ESR1: variants seen among roughly 807,000 people sequenced by gnomAD.
ESR1 encodes estrogen receptor 1, also known as estrogen receptor.
A neutral mutation model predicts 52.7 loss-of-function variants in ESR1; 12 were observed. The ratio of observed to expected loss-of-function variants is 0.23; its 90% confidence interval spans 0.15 to 0.37. The LOEUF is 0.37. Among genes scored for constraint, ESR1 ranks in the 10% least tolerant of loss-of-function variants. The probability of loss-of-function intolerance (pLI) is 1.00; values close to 1 mark genes in which losing one functional copy is unlikely to be tolerated. For missense variants in ESR1, 584 were observed against 779.7 expected, an observed-to-expected ratio of 0.75 and a Z score of 2.99; for synonymous variants, 305 against 316.8, an observed-to-expected ratio of 0.96 and a Z score of 0.39.
chr6:151,682,192 C>T (rs1406916856), intron 1 of ESR1, among the ~76,000 whole-genome samples: 1 of 152,198 alleles, frequency 6.6e-6, no homozygotes, highest in East Asian at 1.9e-4. Flanking sequence ...GTTGTTTAAT[C>T]TGTGTGCACC....
intron 2 of ESR1, among the ~76,000 whole-genome samples, chr6:151,870,872 G>A (rs1431036441): frequency 6.6e-6 from 1 of 150,768 alleles, no homozygotes; most frequent in Non-Finnish European, 1.5e-5. Flanking sequence ...TTTTTTTTAA[G>A]GCAGGGTCTC....
intron 4 of ESR1, among the ~76,000 whole-genome samples, chr6:151,976,283 T>A (rs757720538): frequency 6.6e-6 from 1 of 152,232 alleles, no homozygotes; most frequent in African/African-American, 2.4e-5. Flanking sequence ...TGTTTTCACC[T>A]AAGACTCTGA....
intron 2 of ESR1, among the ~76,000 whole-genome samples, chr6:151,874,058 A>C (rs1791422388): frequency 1.3e-5 from 2 of 152,138 alleles, no homozygotes; most frequent in Admixed American, 1.3e-4. Flanking sequence ...ATTGGCTCTT[A>C]TTTGATGTGT....
intron 2 of ESR1, among the ~76,000 whole-genome samples, chr6:151,745,129 T>C (rs1456952916): frequency 6.6e-6 from 1 of 152,230 alleles, no homozygotes; most frequent in Non-Finnish European, 1.5e-5. Flanking sequence ...AAAACTTTAT[T>C]CTTTCCTTAG....
chr6:151,878,774 T>C (rs1253801585), intron 2 of ESR1, among the ~76,000 whole-genome samples: 2 of 152,188 alleles, frequency 1.3e-5, no homozygotes, highest in East Asian at 1.9e-4. Context: ...CCCCAAGATA[T>C]GTAAGAATTT....
intron 4 of ESR1, among the ~76,000 whole-genome samples, chr6:151,953,962 CTG>C (rs2128565561): frequency 6.6e-6 from 1 of 152,234 alleles, no homozygotes; most frequent in East Asian, 1.9e-4. Flanking sequence ...CCTAAACTGA[CTG>C]TTGATTTTTG....
At chr6:152,071,773 A>C (rs2048369576) in intron 6 of ESR1, among the ~76,000 whole-genome samples, 1 of 152,252 alleles carries the variant, frequency 6.6e-6, no homozygotes, top group South Asian at 2.1e-4. Context: ...ATGCTGTTAA[A>C]CACGTAAGTG....
intron 1 of ESR1, among the ~76,000 whole-genome samples, chr6:151,808,635 C>T (rs1468739620): frequency 6.6e-6 from 1 of 152,100 alleles, no homozygotes; most frequent in Non-Finnish European, 1.5e-5. Context: ...CCCGAAAGCC[C>T]GGGCTTCCTA....
intron 1 of ESR1, among the ~76,000 whole-genome samples, chr6:151,678,728 C>G (rs533974482): frequency 2.0e-5 from 3 of 151,520 alleles, no homozygotes; most frequent in African/African-American, 7.3e-5. Context: ...ACTCCGTTGC[C>G]TGGGCTGGAG....
At chr6:151,919,560 T>G (rs766639887) in intron 3 of ESR1, among the ~76,000 whole-genome samples, 3 of 152,200 alleles carry the variant, frequency 2.0e-5, no homozygotes, top group Non-Finnish European at 4.4e-5. Flanking sequence ...CACTACAGCA[T>G]TGTGTTAGAT....
intron 5 of ESR1, among the ~76,000 whole-genome samples, chr6:152,016,887 A>C (rs2128801492): frequency 6.6e-6 from 1 of 152,220 alleles, no homozygotes; most frequent in East Asian, 1.9e-4. Context: ...GCGTAGAAAT[A>C]GGGGGGAAAG....
chr6:151,753,675 A>G (rs1216234091), intron 2 of ESR1, among the ~76,000 whole-genome samples: 1 of 152,186 alleles, frequency 6.6e-6, no homozygotes, highest in Non-Finnish European at 1.5e-5. Flanking sequence ...GTGCACAGAT[A>G]TTGCCGTAGT....
intron 4 of ESR1, among the ~76,000 whole-genome samples, chr6:151,982,123 G>A (rs1397908209): frequency 1.3e-5 from 2 of 152,356 alleles, no homozygotes; most frequent in African/African-American, 2.4e-5. Flanking sequence ...GCCAGTTGGT[G>A]AAGATATAAA....
chr6:151,908,692 C>G (rs1797814122), intron 3 of ESR1, among the ~76,000 whole-genome samples: 1 of 152,010 alleles, frequency 6.6e-6, no homozygotes, highest in Admixed American at 6.5e-5. Context: ...ATCAAAGTTT[C>G]TTTTGAAGGT....
intron 1 of ESR1, among the ~76,000 whole-genome samples, chr6:151,680,801 C>G (rs74832008): frequency 0.053 from 8,028 of 152,196 alleles, 230 homozygotes; most frequent in African/African-American, 0.072. Flanking sequence ...CTAACACCTA[C>G]AACAATGCCT....
chr6:151,975,857 A>G (rs2039391727), intron 4 of ESR1, among the ~76,000 whole-genome samples: 2 of 152,194 alleles, frequency 1.3e-5, no homozygotes, highest in South Asian at 4.1e-4. Flanking sequence ...TCTTATCTAT[A>G]AACCTAAGGT....
At chr6:151,707,520 A>G (rs1780272558) in intron 2 of ESR1, among the ~76,000 whole-genome samples, 1 of 152,040 alleles carries the variant, frequency 6.6e-6, no homozygotes, top group Non-Finnish European at 1.5e-5. Context: ...ATAGATACAC[A>G]GGTATATATT....
chr6:151,905,645 G>C (rs535453274), intron 3 of ESR1, among the ~76,000 whole-genome samples: 1 of 152,060 alleles, frequency 6.6e-6, no homozygotes, highest in East Asian at 1.9e-4. Context: ...ATTAAAAAAA[G>C]GAACTTTTGG....
intron 2 of ESR1, among the ~76,000 whole-genome samples, chr6:151,737,582 G>T (rs979237041): frequency 6.6e-6 from 1 of 152,106 alleles, no homozygotes; most frequent in African/African-American, 2.4e-5. Context: ...AGATGTCAAA[G>T]AAACAAAGTA....
Sources: gnomAD v4.1 joint callset for allele counts (sites outside exome capture counted in the v4.1 genomes callset) on GRCh38, gnomAD v4.1.1 for gene constraint, MANE v1.5 for transcripts, NCBI Gene and HGNC (gene_info 2026-07-23, HGNC 2026-07-21) for gene names.